MINDY2: variants seen among roughly 807,000 people sequenced by gnomAD.
The protein encoded by MINDY2 is ubiquitin carboxyl-terminal hydrolase MINDY-2.
A neutral mutation model predicts 68.2 loss-of-function variants in MINDY2; 52 were observed. The ratio of observed to expected loss-of-function variants is 0.76; its 90% CI spans 0.61 to 0.96. MINDY2 has a LOEUF of 0.96. Among genes scored for constraint, MINDY2 ranks in the 40% least tolerant of loss-of-function variants. The probability of loss-of-function intolerance (pLI) is 0.00; values close to 1 mark genes in which losing one functional copy is unlikely to be tolerated. For missense variants in MINDY2, 881 were observed against 773.4 expected (o/e 1.14, Z -1.65); for synonymous variants, 372 against 303.0 (o/e 1.23, Z -2.36).
At chr15:58,779,293 C>G (rs1050067070) in intron 1 of MINDY2, among the ~76,000 whole-genome samples, 1 of 152,202 alleles carries the variant, frequency 6.6e-6, no homozygotes, top group East Asian at 1.9e-4. Context: ...ATTCAAAGTT[C>G]GAATGGACGT....
In MINDY2 at chr15:58,787,877, T is replaced by C. The variant is rs760974401; in HGVS notation, c.841-29T>C. 3.3e-6 allele frequency: 5 copies of C among 1,517,392 alleles called. No individual in the cohort carries two copies. The Admixed American group carries it at 9.5e-5, about 29-fold the overall frequency. The allele number at this position is 1,517,392 out of a possible 1,614,324, so 94.0% of individuals were successfully genotyped here. ...TACTTTAGTCACCTAAAACATTTAA[T>C]TTTATAGAAATAATATTTTGTTTTT... On this transcript the variant is annotated intron_variant, in intron 1 of 8. Transcript: ENST00000559228.
chr15:58,800,309 A>G (rs1437534251), intron 2 of MINDY2, among the ~76,000 whole-genome samples: 2 of 152,110 alleles, frequency 1.3e-5, no homozygotes, highest in Non-Finnish European at 2.9e-5. Flanking sequence ...TTACCTGCAA[A>G]CTGTATCATT....
rs1567079802 is a variant in MINDY2, at chr15:58,852,952, T to G, written c.1737+987T>G. ...TTTTTTTTTTTTTTTTTTTTTTTTT[T>G]TTTTTTTTTTTTTTTTTTAAGACAG... On this transcript the variant is annotated intron_variant, in intron 8 of 8. Transcript: ENST00000559228. Among the ~76,000 whole-genome samples the G allele has an allele frequency of 2.7e-4, 12 of 45,206 alleles. 1 individual carries two copies. Among genetic ancestry groups the G allele is most frequent in the African/African-American group, 6.2e-4 (8 of 12,980 alleles). 29.7% of individuals were successfully genotyped at this position (45,206 alleles called of 152,430 possible). A position where few individuals can be genotyped will look rare whatever the true frequency, so the allele number is the denominator to read the frequency against.
intron 1 of MINDY2, among the ~76,000 whole-genome samples, chr15:58,780,699 T>G (rs1481379241): frequency 3.3e-5 from 5 of 152,208 alleles, no homozygotes; most frequent in Non-Finnish European, 7.3e-5. Flanking sequence ...TACTTTATCT[T>G]ATGTCTCCTG....
Position 58,788,339 on chromosome 15 carries a change from G to A in MINDY2, c.898+376G>A, listed in dbSNP as rs145198641. On this transcript the variant is annotated intron_variant, in intron 2 of 8. Coordinates refer to ENST00000559228, the MANE Select transcript of MINDY2 (RefSeq NM_001040450.3). Reference sequence around the variant, plus strand: ...GGAGGTGATTTAGAGCAGTGCTACCGAAAGTGTGATTCATGGACCTATGCC... The same window carrying A: ...GGAGGTGATTTAGAGCAGTGCTACCAAAAGTGTGATTCATGGACCTATGCC... 1.9e-3 allele frequency among the ~76,000 whole-genome samples: 293 copies of A among 152,284 alleles called. 1 individual carries two copies. The highest frequency in any genetic ancestry group is 3.2e-3 in the African/African-American group (134 of 41,554).
rs140216331 is a variant in MINDY2 at position 58,857,026 on chromosome 15, A to G, written c.*2416A>G. On this transcript the variant is annotated 3_prime_UTR_variant, in exon 9 of 9. Coordinates refer to ENST00000559228, the MANE Select transcript of MINDY2 (RefSeq NM_001040450.3). ...GCTGCTATCAGATAAGTAGATGTCA[A>G]TGTATACTTACAAGGAAAAACTAAA... 1.4e-4 allele frequency: 21 copies of G among 152,358 alleles called. No homozygotes were observed. Among genetic ancestry groups the G allele is most frequent in the African/African-American group, 5.1e-4 (21 of 41,580 alleles). The allele number at this position is 152,358 out of a possible 1,614,324, so 9.4% of individuals were successfully genotyped here.
chr15:58,802,362 TTTAAA>T lies in MINDY2; in HGVS notation c.952_956del (p.Asn318Ter). Reference sequence around the variant, plus strand: ...CAAAAGAAATTTCAGAAATTCAACGTTTAAATTATGAACAGGTAATAAACAGTTTT... The same window carrying T: ...CAAAAGAAATTTCAGAAATTCAACGTTTATGAACAGGTAATAAACAGTTTT... On this transcript the variant is annotated frameshift_variant, in exon 3 of 9. Transcript: ENST00000559228. LOFTEE classifies it high-confidence loss of function. The T allele has an allele frequency of 6.3e-7, 1 of 1,585,624 alleles. No individual in the cohort carries two copies. The highest frequency in any genetic ancestry group is 8.6e-7 in the Non-Finnish European group (1 of 1,165,542).
chr15:58,780,382 A>G (rs1335649649), intron 1 of MINDY2, among the ~76,000 whole-genome samples: 4 of 152,154 alleles, frequency 2.6e-5, no homozygotes, highest in Non-Finnish European at 5.9e-5. Context: ...AGCCTGGGCA[A>G]CAAGAGCGAA....
intron 4 of MINDY2, among the ~76,000 whole-genome samples, chr15:58,814,162 A>G (rs1437301577): frequency 1.3e-5 from 2 of 151,352 alleles, no homozygotes; most frequent in Non-Finnish European, 2.9e-5. Context: ...CTGGTCATGA[A>G]CTCCTGACTT....
chr15:58,785,452 C>G (rs1901431778), intron 1 of MINDY2, among the ~76,000 whole-genome samples: 1 of 152,174 alleles, frequency 6.6e-6, no homozygotes. Flanking sequence ...GCATGCCATA[C>G]TGTCTCTGCT....
intron 1 of MINDY2, among the ~76,000 whole-genome samples, chr15:58,779,737 T>G (rs1315180284): frequency 2.0e-5 from 3 of 152,200 alleles, no homozygotes; most frequent in Middle Eastern, 3.2e-3. Context: ...AGAATTAGAA[T>G]TGGTGTTGTA....
At position 58,857,519 on chromosome 15, in the gene MINDY2, G is replaced by A. The variant is rs2033098807; in HGVS notation, c.*2909G>A. On this transcript the variant is annotated 3_prime_UTR_variant, in exon 9 of 9. Transcript: ENST00000559228. ...ACTGCATGCAAGCCTGGGCAATAGA[G>A]CGAGACTCCGTCTCAAAAAAAAAAA... 8.2e-6 allele frequency: 1 copy of A among 121,324 alleles called. No homozygotes were observed. Among genetic ancestry groups the A allele is most frequent in the South Asian group, 2.8e-4 (1 of 3,516 alleles). 7.5% of individuals were successfully genotyped at this position (121,324 alleles called of 1,614,324 possible). A position where few individuals can be genotyped will look rare whatever the true frequency, so the allele number is the denominator to read the frequency against.
chr15:58,779,922 G>A (rs907371653), intron 1 of MINDY2, among the ~76,000 whole-genome samples: 2 of 152,194 alleles, frequency 1.3e-5, no homozygotes, highest in Admixed American at 6.5e-5. Context: ...TTGAGTCCCA[G>A]GTGAAGGACA....
intron 1 of MINDY2, among the ~76,000 whole-genome samples, chr15:58,773,554 A>G (rs1900577143): frequency 6.6e-6 from 1 of 152,178 alleles, no homozygotes; most frequent in South Asian, 2.1e-4. Flanking sequence ...AGAAATAGTA[A>G]GTTATATGAG....
chr15:58,815,439 C>T (rs926283378), intron 4 of MINDY2: 1 of 152,172 alleles, frequency 6.6e-6, no homozygotes. Flanking sequence ...CAGCCTCGAC[C>T]TCCTGTGCTC....
intron 1 of MINDY2, among the ~76,000 whole-genome samples, chr15:58,774,705 C>T (rs1331966394): frequency 6.6e-6 from 1 of 151,886 alleles, no homozygotes; most frequent in East Asian, 1.9e-4. Flanking sequence ...TGAACTAGAT[C>T]CAAAGGATGA....
At chr15:58,796,325 A>G (rs1902283512) in intron 2 of MINDY2, among the ~76,000 whole-genome samples, 3 of 152,236 alleles carry the variant, frequency 2.0e-5, no homozygotes, top group Admixed American at 2.0e-4. Context: ...TGTAAGGCAT[A>G]TTGAAGGAAC....
chr15:58,791,241 A>ATATATATATATATATC (rs1901885866), intron 2 of MINDY2, among the ~76,000 whole-genome samples: 1 of 89,162 alleles, frequency 1.1e-5, no homozygotes, highest in Non-Finnish European at 2.2e-5. Flanking sequence ...ATATATATAT[A>ATATATATATATATATC]TATATATATA....
chr15:58,812,282 C>A (rs2030334694), intron 4 of MINDY2, among the ~76,000 whole-genome samples: 1 of 151,522 alleles, frequency 6.6e-6, no homozygotes, highest in Admixed American at 6.6e-5. Flanking sequence ...CTAAAAAATA[C>A]AAAAATTAGT....
Sources: gnomAD v4.1 joint callset for allele counts (sites outside exome capture counted in the v4.1 genomes callset) on GRCh38, gnomAD v4.1.1 for gene constraint, MANE v1.5 for transcripts, NCBI Gene and HGNC (gene_info 2026-07-23, HGNC 2026-07-21) for gene names.